The following CEP85L variants were observed in gnomAD, a reference collection of about 807,000 sequenced individuals.
CEP85L encodes the protein centrosomal protein 85L.
A neutral mutation model predicts 100.3 loss-of-function variants in CEP85L; 60 were observed. The observed-to-expected ratio is 0.60, with a 90% CI of 0.49 to 0.74. The LOEUF (loss-of-function observed/expected upper bound fraction) is 0.74. CEP85L is among the 30% of genes least tolerant of loss of function. The pLI is 0.00. For synonymous variants in CEP85L, 319 were observed against 322.7 expected, an observed-to-expected ratio of 0.99 and a Z score of 0.12; for missense variants, 973 against 936.2, an observed-to-expected ratio of 1.04 and a Z score of -0.51.
intron 6 of CEP85L, among the ~76,000 whole-genome samples, chr6:118,489,010 G>A (rs1193828409): frequency 1.3e-5 from 2 of 152,164 alleles, no homozygotes; most frequent in South Asian, 2.1e-4. Flanking sequence ...GCTCACTCCT[G>A]TAATCCCAGC....
intron 10 of CEP85L, among the ~76,000 whole-genome samples, chr6:118,475,350 T>C (rs372936986): frequency 0.46 from 50,778 of 111,316 alleles, 11,184 homozygotes; most frequent in Non-Finnish European, 0.52. Context: ...AGGTGACATT[T>C]TTTTTTTTTT....
chr6:118,622,693 G>C (rs1441630710), intron 2 of CEP85L, among the ~76,000 whole-genome samples: 1 of 152,254 alleles, frequency 6.6e-6, no homozygotes, highest in African/African-American at 2.4e-5. Flanking sequence ...AATATGGAAA[G>C]AGAGGGAGTT....
intron 3 of CEP85L, among the ~76,000 whole-genome samples, chr6:118,548,781 C>T (rs1357261238): frequency 6.6e-5 from 10 of 151,986 alleles, no homozygotes; most frequent in African/African-American, 2.4e-4. Context: ...TTATTTATTG[C>T]TCTGCTGAGA....
At chr6:118,596,424 A>G (rs866256998) in intron 2 of CEP85L, among the ~76,000 whole-genome samples, 2 of 152,180 alleles carry the variant, frequency 1.3e-5, no homozygotes, top group African/African-American at 4.8e-5. Context: ...TTTATCAACT[A>G]CAAGACTCAG....
chr6:118,608,804 A>G (rs963161844), intron 2 of CEP85L, among the ~76,000 whole-genome samples: 7 of 152,232 alleles, frequency 4.6e-5, no homozygotes, highest in South Asian at 4.1e-4. Flanking sequence ...AAATAGTGGA[A>G]CAGAAATTCT....
intron 2 of CEP85L, among the ~76,000 whole-genome samples, chr6:118,600,300 G>GTGTGGGTGT (rs1554228039): frequency 1.9e-5 from 1 of 52,236 alleles, no homozygotes; most frequent in Non-Finnish European, 4.0e-5. Context: ...CCTTCCTGGG[G>GTGTGGGTGT]GTGTGTGTGT....
chr6:118,488,551 A>G (rs753871572), intron 6 of CEP85L, among the ~76,000 whole-genome samples: 2 of 152,128 alleles, frequency 1.3e-5, no homozygotes, highest in Non-Finnish European at 2.9e-5. Context: ...AACACCATTA[A>G]GCGGACAAAT....
At chr6:118,633,725 G>C (rs1774319759) in intron 1 of CEP85L, among the ~76,000 whole-genome samples, 1 of 152,114 alleles carries the variant, frequency 6.6e-6, no homozygotes, top group Non-Finnish European at 1.5e-5. Context: ...AAATAAATAA[G>C]CATCTAGAAA....
intron 1 of CEP85L, among the ~76,000 whole-genome samples, chr6:118,662,661 C>A (rs1476654309): frequency 6.6e-6 from 1 of 152,078 alleles, no homozygotes; most frequent in African/African-American, 2.4e-5. Context: ...AAGACAGTTC[C>A]ACCTGACTCT....
intron 2 of CEP85L, among the ~76,000 whole-genome samples, chr6:118,626,842 T>C (rs1479805018): frequency 6.6e-6 from 1 of 152,236 alleles, no homozygotes; most frequent in African/African-American, 2.4e-5. Context: ...AAGAAAATAT[T>C]TGCAAACAAT....
chr6:118,654,549 T>C (rs1775710282), upstream of CEP85L, among the ~76,000 whole-genome samples: 1 of 152,232 alleles, frequency 6.6e-6, no homozygotes, highest in Non-Finnish European at 1.5e-5. Context: ...CTATACAACC[T>C]CTTCCAGATC....
chr6:118,584,368 C>T (rs1780741134), intron 2 of CEP85L, among the ~76,000 whole-genome samples: 1 of 152,148 alleles, frequency 6.6e-6, no homozygotes, highest in African/African-American at 2.4e-5. Context: ...CCTCAAGCAA[C>T]TCAGAGGATT....
intron 1 of CEP85L, among the ~76,000 whole-genome samples, chr6:118,679,665 C>T (rs894508997): frequency 3.3e-5 from 5 of 152,104 alleles, no homozygotes; most frequent in East Asian, 1.9e-4. Flanking sequence ...TCTAAATGTT[C>T]GGTGGGCCTA....
chr6:118,617,134 G>A (rs1008287689), intron 2 of CEP85L, among the ~76,000 whole-genome samples: 3 of 152,130 alleles, frequency 2.0e-5, no homozygotes, highest in Non-Finnish European at 2.9e-5. Flanking sequence ...TTCCTGGGTC[G>A]AGTAGGGGCT....
intron 2 of CEP85L, among the ~76,000 whole-genome samples, chr6:118,575,958 C>T (rs938368106): frequency 6.6e-6 from 1 of 152,180 alleles, no homozygotes; most frequent in Non-Finnish European, 1.5e-5. Flanking sequence ...ACCTTACCCA[C>T]TGGGTAGAAG....
intron 10 of CEP85L, among the ~76,000 whole-genome samples, chr6:118,474,925 G>A (rs1773241655): frequency 6.6e-6 from 1 of 152,182 alleles, no homozygotes; most frequent in Admixed American, 6.5e-5. Flanking sequence ...TAGCTGGGAA[G>A]AATACTCCTG....
At chr6:118,692,037 G>C (rs1454633570) in intron 1 of CEP85L, among the ~76,000 whole-genome samples, 2 of 152,062 alleles carry the variant, frequency 1.3e-5, no homozygotes, top group Non-Finnish European at 2.9e-5. Flanking sequence ...ATTATCTGGA[G>C]AGGAGGGAGG....
Position 118,461,116 on chromosome 6 carries a change from G to C in CEP85L, c.*4289C>G, listed in dbSNP as rs1772209589. Reference sequence around the variant, plus strand: ...CTGGGTGGTTCAAAAACTGAACCCAGCTTACAAAACCACCAGTCATAGTGA... The same window carrying C: ...CTGGGTGGTTCAAAAACTGAACCCACCTTACAAAACCACCAGTCATAGTGA... On this transcript the variant is annotated 3_prime_UTR_variant, in exon 13 of 13. Transcript: ENST00000368491. 6.6e-6 allele frequency: 1 copy of C among 151,490 alleles called. No individual in the cohort carries two copies. Among genetic ancestry groups the C allele is most frequent in the South Asian group, 2.1e-4 (1 of 4,818 alleles). The allele number at this position is 151,490 out of a possible 1,614,324, so 9.4% of individuals were successfully genotyped here.
chr6:118,600,322 T>TGTGTGTGTGTGTGTGTG, intron 2 of CEP85L, among the ~76,000 whole-genome samples: 1 of 105,510 alleles, frequency 9.5e-6, no homozygotes, highest in South Asian at 3.7e-4. Context: ...TGTGTGTGTG[T>TGTGTGTGTGTGTGTGTG]GTGTGTGTGT....
Sources: gnomAD v4.1 joint callset for allele counts (sites outside exome capture counted in the v4.1 genomes callset) on GRCh38, gnomAD v4.1.1 for gene constraint, MANE v1.5 for transcripts, NCBI Gene and HGNC (gene_info 2026-07-23, HGNC 2026-07-21) for gene names.